Variants in ADD3 observed in about 807,000 individuals in gnomAD.
The protein encoded by ADD3 is gamma-adducin.
A neutral mutation model predicts 80.2 loss-of-function variants in ADD3; 25 were observed. That is an observed-to-expected ratio of 0.31 (90% CI 0.23 to 0.44). The LOEUF is 0.44. Ranked by LOEUF, ADD3 falls within the 20% of genes least tolerant of loss-of-function variation. The probability of loss-of-function intolerance (pLI) is 1.00; values close to 1 mark genes in which losing one functional copy is unlikely to be tolerated. For missense variants in ADD3, 829 were observed against 847.5 expected, an observed-to-expected ratio of 0.98 and a Z score of 0.27; for synonymous variants, 284 against 289.6, an observed-to-expected ratio of 0.98 and a Z score of 0.20.
At chr10:110,122,775 C>G (rs73352921) in intron 9 of ADD3, among the ~76,000 whole-genome samples, 2,659 of 151,974 alleles carry the variant, frequency 0.017, 69 homozygotes, top group African/African-American at 0.059. Flanking sequence ...GTGTGTGCCA[C>G]CGTGCCTGGC....
chr10:110,023,932 C>T (rs1214876403), intron 1 of ADD3, among the ~76,000 whole-genome samples: 1 of 152,106 alleles, frequency 6.6e-6, no homozygotes, highest in African/African-American at 2.4e-5. Context: ...AACCAAATAC[C>T]ACATGTTCTC....
chr10:110,014,446 G>A (rs1268020911), intron 1 of ADD3, among the ~76,000 whole-genome samples: 1 of 152,182 alleles, frequency 6.6e-6, no homozygotes, highest in Non-Finnish European at 1.5e-5. Context: ...TGCATTGTTC[G>A]TATTCCTTAT....
At position 110,050,065 on chromosome 10, in the gene ADD3, C is replaced by T. The variant is rs534065464; in HGVS notation, c.-30+41766C>T. On this transcript the variant is annotated intron_variant, in intron 1 of 14. Coordinates refer to ENST00000356080, the MANE Select transcript of ADD3 (RefSeq NM_016824.5). Reference sequence around the variant, plus strand: ...GATTTTGATTTTATAGGCTCATAGGCGGAAGGGACCGGTCTTGTCTCAGAA... The same window carrying T: ...GATTTTGATTTTATAGGCTCATAGGTGGAAGGGACCGGTCTTGTCTCAGAA... Among the ~76,000 whole-genome samples, 55 of 152,082 alleles carry T rather than the reference C, an allele frequency of 3.6e-4. No individual in the cohort carries two copies. In the South Asian group the frequency reaches 4.6e-3, roughly 13 times the overall value.
chr10:110,065,488 GTCTCTCTC>G (rs67149777), intron 1 of ADD3, among the ~76,000 whole-genome samples: 33 of 108,546 alleles, frequency 3.0e-4, no homozygotes, highest in African/African-American at 5.4e-4. Context: ...GTCTCTGTCT[GTCTCTCTC>G]TCTCTCTCTC....
chr10:110,005,342 G>A (rs970567405), upstream of ADD3, among the ~76,000 whole-genome samples: 1 of 151,384 alleles, frequency 6.6e-6, no homozygotes, highest in African/African-American at 2.4e-5. Flanking sequence ...TTACAGGCGT[G>A]AGCCACCACG....
intron 1 of ADD3, among the ~76,000 whole-genome samples, chr10:110,027,420 T>C (rs1854441842): frequency 6.6e-6 from 1 of 152,234 alleles, no homozygotes; most frequent in African/African-American, 2.4e-5. Flanking sequence ...ATTTAAAATG[T>C]TGTAGAAGCC....
chr10:110,112,070 T>G (rs1438190529), intron 2 of ADD3: 2 of 152,190 alleles, frequency 1.3e-5, no homozygotes, highest in African/African-American at 4.8e-5. Context: ...GTGAAAACTT[T>G]TGCCATTGAA....
chr10:110,094,527 G>A (rs1847932482), intron 1 of ADD3, among the ~76,000 whole-genome samples: 1 of 152,106 alleles, frequency 6.6e-6, no homozygotes, highest in Non-Finnish European at 1.5e-5. Context: ...AGTGCCATCT[G>A]TATTACTCAG....
chr10:110,088,057 C>G (rs1194249045), intron 1 of ADD3, among the ~76,000 whole-genome samples: 1 of 152,088 alleles, frequency 6.6e-6, no homozygotes, highest in Non-Finnish European at 1.5e-5. Flanking sequence ...TCCTTTGTGT[C>G]TTTTTTGTTA....
intron 1 of ADD3, among the ~76,000 whole-genome samples, chr10:110,015,002 T>TA (rs1452351350): frequency 6.6e-6 from 1 of 151,612 alleles, no homozygotes; most frequent in Non-Finnish European, 1.5e-5. Flanking sequence ...GCTTCCCGAG[T>TA]AGCTGGGTTT....
intron 1 of ADD3, among the ~76,000 whole-genome samples, chr10:110,095,575 C>A (rs569431579): frequency 1.3e-5 from 2 of 152,174 alleles, no homozygotes; most frequent in Non-Finnish European, 2.9e-5. Context: ...TAATATTCCA[C>A]TTTCTGGATT....
chr10:110,044,877 G>C (rs1856754656), intron 1 of ADD3, among the ~76,000 whole-genome samples: 1 of 152,206 alleles, frequency 6.6e-6, no homozygotes, highest in African/African-American at 2.4e-5. Flanking sequence ...TGCATAGTCA[G>C]TCCTCAAAAT....
chr10:110,105,530 C>G (rs1849309293), intron 2 of ADD3, among the ~76,000 whole-genome samples: 1 of 152,168 alleles, frequency 6.6e-6, no homozygotes. Context: ...CTGAACTTGA[C>G]TGCTTAACAA....
intron 1 of ADD3, chr10:110,079,429 A>T (rs1354309184): frequency 1.7e-5 from 1 of 59,452 alleles, no homozygotes; most frequent in South Asian, 5.2e-4. Context: ...AAAAATGATG[A>T]GAGAGAGAGA....
At chr10:110,104,171 C>G (rs1284643043) in intron 2 of ADD3, among the ~76,000 whole-genome samples, 1 of 152,134 alleles carries the variant, frequency 6.6e-6, no homozygotes, top group Non-Finnish European at 1.5e-5. Flanking sequence ...CATCCCTCTT[C>G]AAAAAGGAGA....
intron 1 of ADD3, among the ~76,000 whole-genome samples, chr10:110,058,868 T>C (rs1015414938): frequency 1.3e-5 from 2 of 152,232 alleles, no homozygotes; most frequent in African/African-American, 4.8e-5. Context: ...GTAGGAAGGA[T>C]CTGTCATATT....
intron 1 of ADD3, among the ~76,000 whole-genome samples, chr10:110,040,027 A>T (rs898388169): frequency 6.6e-6 from 1 of 152,244 alleles, no homozygotes; most frequent in East Asian, 1.9e-4. Context: ...TTCTGCCCCT[A>T]TTGCTGTTGC....
In ADD3 at chr10:110,119,296, C is replaced by A; in HGVS notation, c.803C>A (p.Ser268Ter). ...GDVAYYDYQG[S>*]LEEQEERIQL... ...GTTGCCTATTATGACTACCAAGGGT[C>A]ACTTGAAGAACAGGAGGAGAGAATT... Residue 268 changes from serine (S) to a stop codon, truncating the protein, a stop_gained, in exon 7 of 15, where the codon TCA (serine) becomes TAA (stop). Transcript: ENST00000356080. LOFTEE classifies it high-confidence loss of function. 6.2e-7 allele frequency: 1 copy of A among 1,614,112 alleles called. No homozygotes were observed. Among genetic ancestry groups the A allele is most frequent in the Non-Finnish European group, 8.5e-7 (1 of 1,179,992 alleles).
At chr10:110,064,389 C>T (rs933087009) in intron 1 of ADD3, among the ~76,000 whole-genome samples, 3 of 152,110 alleles carry the variant, frequency 2.0e-5, no homozygotes, top group African/African-American at 7.2e-5. Context: ...CTTGCCAGTA[C>T]TTGATATTAA....
Sources: gnomAD v4.1 joint callset for allele counts (sites outside exome capture counted in the v4.1 genomes callset) on GRCh38, gnomAD v4.1.1 for gene constraint, MANE v1.5 for transcripts, NCBI Gene and HGNC (gene_info 2026-07-23, HGNC 2026-07-21) for gene names.